Variants in SRGAP1 observed in about 807,000 individuals in gnomAD.
The protein encoded by SRGAP1 is SLIT-ROBO Rho GTPase-activating protein 1.
SRGAP1 carries 43 observed loss-of-function variants against 121.9 expected under a neutral mutation model. The observed-to-expected ratio is 0.35, with a 90% CI of 0.28 to 0.46. The LOEUF (loss-of-function observed/expected upper bound fraction) is 0.46. SRGAP1 is among the 20% of genes least tolerant of loss of function. The pLI is 1.00. For missense variants in SRGAP1, 1,102 were observed against 1,350.9 expected (o/e 0.82, Z 2.89); for synonymous variants, 447 against 485.4 (o/e 0.92, Z 1.04).
rs1281515089 is a variant in SRGAP1, at chr12:64,145,282, T to A, written c.*2610T>A. 6.6e-6 allele frequency: 1 copy of A among 152,356 alleles called. No individual in the cohort carries two copies. The highest frequency in any genetic ancestry group is 1.5e-5 in the Non-Finnish European group (1 of 68,122). 9.4% of individuals were successfully genotyped at this position (152,356 alleles called of 1,614,324 possible). A position where few individuals can be genotyped will look rare whatever the true frequency, so the allele number is the denominator to read the frequency against. ...TCTTTTCTGAGCTTCAGCCTTAGCT[T>A]TTCAGATCTTCCTCCTACCTGTTCA... is the stretch of plus-strand genomic sequence containing the variant. On this transcript the variant is annotated 3_prime_UTR_variant, in exon 22 of 22. Coordinates refer to ENST00000355086, the MANE Select transcript of SRGAP1 (RefSeq NM_020762.4).
intron 1 of SRGAP1, among the ~76,000 whole-genome samples, chr12:63,858,725 G>T (rs1359665170): frequency 6.6e-6 from 1 of 151,910 alleles, no homozygotes; most frequent in Non-Finnish European, 1.5e-5. Context: ...CTTTTTTTGA[G>T]ATGGAGTTTC....
intron 1 of SRGAP1, among the ~76,000 whole-genome samples, chr12:63,955,646 C>T (rs2032441645): frequency 6.6e-6 from 1 of 151,224 alleles, no homozygotes; most frequent in Non-Finnish European, 1.5e-5. Flanking sequence ...CTTCATAAGC[C>T]ATCTGTTTTT....
chr12:64,086,650 T>G (rs1000542258), intron 10 of SRGAP1, among the ~76,000 whole-genome samples: 2 of 151,412 alleles, frequency 1.3e-5, no homozygotes, highest in African/African-American at 2.4e-5. Context: ...ATCTAAATCT[T>G]GGATATGTCT....
At chr12:63,885,863 A>G (rs1900363916) in intron 1 of SRGAP1, among the ~76,000 whole-genome samples, 1 of 152,220 alleles carries the variant, frequency 6.6e-6, no homozygotes, top group Admixed American at 6.5e-5. Context: ...CAAAATCATA[A>G]TATCACAGAG....
At chr12:63,958,828 T>G (rs1399895714) in intron 1 of SRGAP1, among the ~76,000 whole-genome samples, 2 of 152,224 alleles carry the variant, frequency 1.3e-5, no homozygotes, top group Non-Finnish European at 2.9e-5. Flanking sequence ...TTTCTTATAT[T>G]TAAACTCTAA....
chr12:64,043,619 T>G (rs1186552343), intron 6 of SRGAP1, 44 bp downstream of exon 6: 2 of 1,471,168 alleles, frequency 1.4e-6, no homozygotes, highest in South Asian at 1.3e-5. Context: ...AAAATGAAAT[T>G]AACAATAACC....
intron 1 of SRGAP1, among the ~76,000 whole-genome samples, chr12:63,925,897 T>G (rs909933281): frequency 9.9e-5 from 15 of 152,272 alleles, no homozygotes; most frequent in Admixed American, 8.5e-4. Flanking sequence ...TATTATGCCT[T>G]TCACACTTCC....
At chr12:64,134,180 G>A (rs2036825654) in intron 21 of SRGAP1, among the ~76,000 whole-genome samples, 1 of 152,042 alleles carries the variant, frequency 6.6e-6, no homozygotes, top group African/African-American at 2.4e-5. Context: ...TCAGCACTTT[G>A]GGAGGCCAAG....
intron 4 of SRGAP1, among the ~76,000 whole-genome samples, chr12:64,039,131 G>A (rs1053571213): frequency 1.3e-5 from 2 of 152,146 alleles, no homozygotes; most frequent in South Asian, 2.1e-4. Context: ...AGCTTTTAGC[G>A]TTTATCTCCC....
intron 8 of SRGAP1, among the ~76,000 whole-genome samples, chr12:64,066,867 A>G (rs1310847549): frequency 1.3e-5 from 2 of 152,192 alleles, no homozygotes; most frequent in African/African-American, 4.8e-5. Flanking sequence ...TACAGTTTGT[A>G]TGTCTAGTGA....
chr12:63,981,132 C>G (rs11175223), intron 1 of SRGAP1, among the ~76,000 whole-genome samples: 2,700 of 152,094 alleles, frequency 0.018, 95 homozygotes, highest in African/African-American at 0.057. Context: ...ACAGATGACA[C>G]AAAATAACAG....
At chr12:63,971,357 T>C (rs1307589650) in intron 1 of SRGAP1, among the ~76,000 whole-genome samples, 1 of 152,244 alleles carries the variant, frequency 6.6e-6, no homozygotes, top group Non-Finnish European at 1.5e-5. Flanking sequence ...AAATAATGGA[T>C]TTTTTATATC....
intron 21 of SRGAP1, among the ~76,000 whole-genome samples, chr12:64,137,959 A>ATATATATATAT (rs1176572330): frequency 8.2e-5 from 11 of 133,646 alleles, no homozygotes; most frequent in African/African-American, 3.2e-4. Flanking sequence ...GCTTAAAAAA[A>ATATATATATAT]AAATATATAT....
chr12:64,042,923 G>T lies in SRGAP1; in HGVS notation c.623G>T (p.Arg208Ile). The T allele has an allele frequency of 6.2e-7, 1 of 1,613,924 alleles. No individual in the cohort carries two copies. The highest frequency in any genetic ancestry group is 1.1e-5 in the South Asian group (1 of 91,076). ...GTCTTCCATATTCGACTAGAGGAGAGACATCAACGGCGAAGCTCTGTAAAG... is the reference window on the plus strand; with the variant it reads ...GTCTTCCATATTCGACTAGAGGAGATACATCAACGGCGAAGCTCTGTAAAG... ...DPVFHIRLEE[R>I]HQRRSSVKKI... The change falls in exon 5 of 22, where the codon AGA (arginine) becomes ATA (isoleucine). Residue 208 changes from arginine to isoleucine, a missense_variant. Arg to Ile is a moderately conservative substitution (Grantham distance 97, BLOSUM62 -3). Transcript: ENST00000355086.
intron 1 of SRGAP1, among the ~76,000 whole-genome samples, chr12:63,914,467 T>C (rs1489943395): frequency 6.6e-6 from 1 of 152,242 alleles, no homozygotes; most frequent in Non-Finnish European, 1.5e-5. Flanking sequence ...GATGTCTCCC[T>C]ATATCTACTA....
At chr12:64,137,321 T>A (rs532572995) in intron 21 of SRGAP1, among the ~76,000 whole-genome samples, 2 of 151,944 alleles carry the variant, frequency 1.3e-5, no homozygotes, top group South Asian at 4.2e-4. Flanking sequence ...ATGACTAGGC[T>A]CTGCACATGT....
At chr12:63,866,712 G>A (rs1592896132) in intron 1 of SRGAP1, among the ~76,000 whole-genome samples, 1 of 149,342 alleles carries the variant, frequency 6.7e-6, no homozygotes, top group South Asian at 2.1e-4. Flanking sequence ...TTGTAGAATA[G>A]TTAATATAGA....
chr12:64,053,842 T>A (rs1361203076), intron 6 of SRGAP1, among the ~76,000 whole-genome samples: 1 of 152,302 alleles, frequency 6.6e-6, no homozygotes, highest in South Asian at 2.1e-4. Context: ...GCAACAAATA[T>A]TTGTAATTGA....
At chr12:63,929,575 G>GTT (rs1217261573) in intron 1 of SRGAP1, among the ~76,000 whole-genome samples, 28 of 137,138 alleles carry the variant, frequency 2.0e-4, no homozygotes, top group African/African-American at 6.0e-4. Flanking sequence ...GCCCCCACGA[G>GTT]TTTTTTTTTT....
Sources: gnomAD v4.1 joint callset for allele counts (sites outside exome capture counted in the v4.1 genomes callset) on GRCh38, gnomAD v4.1.1 for gene constraint, MANE v1.5 for transcripts, NCBI Gene and HGNC (gene_info 2026-07-23, HGNC 2026-07-21) for gene names.